The following IL1RAPL2 variants were observed in gnomAD, a reference collection of about 807,000 sequenced individuals.
IL1RAPL2 encodes interleukin 1 receptor accessory protein like 2.
In IL1RAPL2, 3 loss-of-function variants were observed where a neutral mutation model predicts 44.1. The ratio of observed to expected loss-of-function variants is 0.07; its 90% confidence interval spans 0.03 to 0.18. The LOEUF (loss-of-function observed/expected upper bound fraction) is 0.18. Among genes scored for constraint, IL1RAPL2 ranks in the 10% least tolerant of loss-of-function variants. The pLI is 1.00. For missense variants in IL1RAPL2, 391 were observed against 496.4 expected (o/e 0.79, Z 2.02); for synonymous variants, 181 against 178.8 (o/e 1.01, Z -0.10).
intron 1 of IL1RAPL2, among the ~76,000 whole-genome samples, chrX:104,635,775 G>A (rs1338707487): frequency 1.8e-5 from 2 of 111,172 alleles, no homozygotes; most frequent in Non-Finnish European, 3.8e-5. Context: ...TAACTTCTTT[G>A]CCATGGGTTC....
chrX:104,914,293 C>T lies in IL1RAPL2; in HGVS notation c.82+255298C>T, dbSNP rs762372627. Among the ~76,000 whole-genome samples, 24 of 111,715 alleles carry T rather than the reference C, an allele frequency of 2.1e-4. No homozygotes were observed. The South Asian group carries it at 7.1e-3, about 33-fold the overall frequency. On this transcript the variant is annotated intron_variant, in intron 2 of 10. Transcript: ENST00000372582. ...GAGCAGGTTTGGTTAGAAAGGGTTACGCAGAAGGGTAATGTGGGTTTGGAG... is the reference window on the plus strand; with the variant it reads ...GAGCAGGTTTGGTTAGAAAGGGTTATGCAGAAGGGTAATGTGGGTTTGGAG...
chrX:105,746,310 T>A (rs1439117434), intron 8 of IL1RAPL2, among the ~76,000 whole-genome samples: 1 of 112,740 alleles, frequency 8.9e-6, no homozygotes, highest in Non-Finnish European at 1.9e-5. Flanking sequence ...CTGTTCTTGC[T>A]ACAGCTCTCT....
chrX:104,970,182 T>C (rs2030205342), intron 2 of IL1RAPL2, among the ~76,000 whole-genome samples: 1 of 111,805 alleles, frequency 8.9e-6, no homozygotes, highest in South Asian at 3.7e-4. Context: ...TACCTATCAT[T>C]GATAGGGGAA....
chrX:104,582,899 T>C (rs763698689), intron 1 of IL1RAPL2, among the ~76,000 whole-genome samples: 85 of 98,495 alleles, frequency 8.6e-4, no homozygotes, highest in African/African-American at 3.1e-3. Flanking sequence ...CTTTCCTTTC[T>C]TATTGAGATG....
rs748101220 is a variant in IL1RAPL2, at chrX:105,169,492, CTTTTTTTTTTTTT to C, written c.83-25965_83-25953del. Among the ~76,000 whole-genome samples, 88 of 41,566 alleles carry C rather than the reference CTTTTTTTTTTTTT, an allele frequency of 2.1e-3. 2 individuals are homozygous for C. The highest frequency in any genetic ancestry group is 0.01 in the African/African-American group (74 of 7,278). 36.1% of individuals were successfully genotyped at this position (41,566 alleles called of 115,157 possible). On this transcript the variant is annotated intron_variant, in intron 2 of 10. Transcript: ENST00000372582. The stretch of plus-strand genomic sequence containing the variant: ...TGAGAAACTTTCAGTTTCTTTCTTT[CTTTTTTTTTTTTT>C]TTTTTTTTTTTTTTTTTGAGACAGA...
At chrX:104,648,175 A>G (rs1481311387) in intron 1 of IL1RAPL2, among the ~76,000 whole-genome samples, 1 of 111,438 alleles carries the variant, frequency 9.0e-6, no homozygotes, top group Admixed American at 9.5e-5. Flanking sequence ...TATTTTTCAT[A>G]TATCTTGTAG....
chrX:104,781,472 T>C (rs1469976084), intron 2 of IL1RAPL2, among the ~76,000 whole-genome samples: 1 of 111,948 alleles, frequency 8.9e-6, no homozygotes, highest in Non-Finnish European at 1.9e-5. Flanking sequence ...TATAGAAATT[T>C]CTTTCTCTTT....
At chrX:104,736,294 T>A (rs1340884475) in intron 2 of IL1RAPL2, among the ~76,000 whole-genome samples, 1 of 112,306 alleles carries the variant, frequency 8.9e-6, no homozygotes, top group Non-Finnish European at 1.9e-5. Context: ...CAGAAGATTA[T>A]ATAGGCTATT....
At chrX:105,722,509 A>C (rs188823045) in intron 7 of IL1RAPL2, among the ~76,000 whole-genome samples, 2 of 111,785 alleles carry the variant, frequency 1.8e-5, no homozygotes, top group Non-Finnish European at 3.8e-5. Flanking sequence ...ATTTTAATAG[A>C]AAAAAATTGC....
intron 5 of IL1RAPL2, among the ~76,000 whole-genome samples, chrX:105,273,826 T>C (rs1324567975): frequency 8.9e-6 from 1 of 111,940 alleles, no homozygotes; most frequent in Non-Finnish European, 1.9e-5. Context: ...AGTTGATTTT[T>C]CAGCAAATCT....
chrX:104,866,242 A>G (rs1262877284), intron 2 of IL1RAPL2, among the ~76,000 whole-genome samples: 4 of 112,067 alleles, frequency 3.6e-5, no homozygotes, highest in African/African-American at 1.3e-4. Context: ...TGTGTTGTAG[A>G]GTCAATTCAG....
intron 6 of IL1RAPL2, among the ~76,000 whole-genome samples, chrX:105,709,679 A>G (rs2038192606): frequency 8.9e-6 from 1 of 111,775 alleles, no homozygotes; most frequent in Non-Finnish European, 1.9e-5. Flanking sequence ...TACTCTTTAC[A>G]TGAAATGTCT....
At chrX:105,563,907 A>G (rs934026581) in intron 6 of IL1RAPL2, among the ~76,000 whole-genome samples, 7 of 112,083 alleles carry the variant, frequency 6.2e-5, no homozygotes, top group African/African-American at 2.3e-4. Context: ...TCCTCAATCT[A>G]TTCTCTGACA....
At chrX:104,615,900 A>C (rs1929265982) in intron 1 of IL1RAPL2, among the ~76,000 whole-genome samples, 1 of 111,841 alleles carries the variant, frequency 8.9e-6, no homozygotes, top group Admixed American at 9.4e-5. Context: ...TTGTTTCTTG[A>C]CTTTTTAATG....
intron 2 of IL1RAPL2, among the ~76,000 whole-genome samples, chrX:104,925,208 G>A (rs59589284): frequency 8.0e-4 from 72 of 90,425 alleles, no homozygotes; most frequent in African/African-American, 2.7e-3. Context: ...GTAATAAAAT[G>A]TCTCCCACCA....
Position 105,009,253 on chromosome X carries a change from G to A in IL1RAPL2, c.83-186222G>A, listed in dbSNP as rs779226214. 7.2e-5 allele frequency among the ~76,000 whole-genome samples: 8 copies of A among 111,080 alleles called. No individual in the cohort carries two copies. The South Asian group carries it at 3.1e-3, about 43-fold the overall frequency. On this transcript the variant is annotated intron_variant, in intron 2 of 10. Coordinates refer to ENST00000372582, the MANE Select transcript of IL1RAPL2 (RefSeq NM_017416.2). ...ACCCAGCAATCCCGTTACTGGGTAT[G>A]TACCCAAAGGATTATAAATCATTCT...
chrX:105,268,603 TA>T (rs5903263), intron 5 of IL1RAPL2, among the ~76,000 whole-genome samples: 21,421 of 92,484 alleles, frequency 0.23, 5,277 homozygotes, highest in African/African-American at 0.69. Context: ...CTGTCTCTAC[TA>T]AAAAAAAAAA....
chrX:104,731,582 T>C (rs773240422), intron 2 of IL1RAPL2, among the ~76,000 whole-genome samples: 1 of 111,179 alleles, frequency 9.0e-6, no homozygotes, highest in South Asian at 3.8e-4. Context: ...TTTGTATTTT[T>C]AGTAGAGACA....
intron 5 of IL1RAPL2, among the ~76,000 whole-genome samples, chrX:105,423,319 A>T (rs190482004): frequency 8.9e-6 from 1 of 112,115 alleles, no homozygotes; most frequent in Non-Finnish European, 1.9e-5. Context: ...AGTTTGTCAA[A>T]TATCCAAAAG....
Sources: allele counts gnomAD v4.1 joint callset (sites outside exome capture counted in the v4.1 genomes callset), GRCh38; gene constraint gnomAD v4.1.1; transcripts MANE v1.5; gene names NCBI Gene and HGNC (gene_info 2026-07-23, HGNC 2026-07-21).